SYNE2: variants seen among roughly 807,000 people sequenced by gnomAD.
SYNE2 encodes the protein nesprin-2.
Under a neutral mutation model 856.3 loss-of-function variants are expected in SYNE2, and 431 were observed. The observed-to-expected ratio is 0.50, with a 90% CI of 0.47 to 0.55. The LOEUF (loss-of-function observed/expected upper bound fraction) is 0.55, where lower values mean the gene tolerates loss of function less well. SYNE2 is among the 20% of genes least tolerant of loss of function. The pLI, the probability that SYNE2 is intolerant of heterozygous loss-of-function variation, is 0.00. For synonymous variants in SYNE2, 2,923 were observed against 2,872.3 expected, an observed-to-expected ratio of 1.02 and a Z score of -0.56; for missense variants, 8,129 against 8,023.2, an observed-to-expected ratio of 1.01 and a Z score of -0.50.
chr14:64,155,970 A>C (rs2098282115), intron 85 of SYNE2, among the ~76,000 whole-genome samples: 1 of 152,136 alleles, frequency 6.6e-6, no homozygotes, highest in South Asian at 2.1e-4. Context: ...AGGTTACTTA[A>C]CCTCTCTAAG....
At chr14:64,138,851 CA>C (rs2098116470) in intron 79 of SYNE2, among the ~76,000 whole-genome samples, 1 of 151,480 alleles carries the variant, frequency 6.6e-6, no homozygotes. Flanking sequence ...CTACCTCGGG[CA>C]AATACGTTGG....
chr14:63,827,428 C>T (rs1176659735), intron 1 of SYNE2, among the ~76,000 whole-genome samples: 1 of 151,344 alleles, frequency 6.6e-6, no homozygotes, highest in African/African-American at 2.4e-5. Flanking sequence ...AGTTCGAGAC[C>T]AGCCTAACCA....
intron 78 of SYNE2, among the ~76,000 whole-genome samples, chr14:64,136,862 A>G (rs2098096053): frequency 6.6e-6 from 1 of 152,140 alleles, no homozygotes; most frequent in African/African-American, 2.4e-5. Flanking sequence ...GGGGCAGAAT[A>G]GAAATAAGGA....
At chr14:63,808,945 C>A (rs2139820250) in intron 1 of SYNE2, among the ~76,000 whole-genome samples, 2 of 152,252 alleles carry the variant, frequency 1.3e-5, no homozygotes, top group Admixed American at 1.3e-4. Flanking sequence ...ATTGCTTGAA[C>A]CCAGATGGCA....
At chr14:63,953,543 GAGAT>G (rs59456660) in intron 7 of SYNE2, among the ~76,000 whole-genome samples, 66 of 90,498 alleles carry the variant, frequency 7.3e-4, no homozygotes, top group Admixed American at 1.8e-3. Context: ...GAGAGAGAGA[GAGAT>G]AGATAGATAG....
At chr14:64,000,766 A>G in intron 28 of SYNE2, 47 bp downstream of exon 28, 1 of 1,541,286 alleles carries the variant, frequency 6.5e-7, no homozygotes, top group Non-Finnish European at 8.9e-7. Flanking sequence ...AACTCACTAA[A>G]TCCTGTAATG....
chr14:63,803,362 G>C lies in SYNE2; in HGVS notation c.-305+41376G>C, dbSNP rs1272176397. ...CGGGCGGCACAGGAGCCCATGGAGT[G>C]GGTGGGAGGCTCAGGCATGGCGGGC... On this transcript the variant is annotated intron_variant, in intron 1 of 23. Transcript: ENST00000674003. Among the ~76,000 whole-genome samples, 2 of 152,234 alleles carry C rather than the reference G, an allele frequency of 1.3e-5. 1 individual carries two copies. The highest frequency in any genetic ancestry group is 2.9e-5 in the Non-Finnish European group (2 of 68,036).
chr14:63,837,499 T>C (rs1889897526), intron 1 of SYNE2, among the ~76,000 whole-genome samples: 1 of 152,146 alleles, frequency 6.6e-6, no homozygotes. Context: ...ATCAATACAA[T>C]GAAGACAACA....
intron 14 of SYNE2, 76 bp from the exon 15 acceptor site, chr14:63,980,578 T>A (rs2096578040): frequency 2.1e-6 from 2 of 946,632 alleles, no homozygotes; most frequent in African/African-American, 3.3e-5. Flanking sequence ...GTTGAATGGC[T>A]GTATCTCACT....
At chr14:64,121,403 A>G (rs1342649862) in intron 68 of SYNE2, among the ~76,000 whole-genome samples, 2 of 152,128 alleles carry the variant, frequency 1.3e-5, no homozygotes, top group Non-Finnish European at 2.9e-5. Context: ...CAAGCCTGTA[A>G]TCCCAGCTAC....
intron 2 of SYNE2, among the ~76,000 whole-genome samples, chr14:63,912,784 C>T (rs1184262211): frequency 1.3e-5 from 2 of 152,214 alleles, no homozygotes; most frequent in Non-Finnish European, 2.9e-5. Flanking sequence ...CCCGTATGTA[C>T]AGGGCCTAAA....
chr14:63,808,140 C>G (rs770467907), intron 1 of SYNE2, among the ~76,000 whole-genome samples: 2 of 150,724 alleles, frequency 1.3e-5, no homozygotes, highest in African/African-American at 4.9e-5. Context: ...GTTGCCCATA[C>G]TGGTCTCAAA....
In SYNE2 at chr14:63,868,786, G is replaced by C. The variant is rs922099365; in HGVS notation, c.-52+15643G>C. ...TGTAATAACAAAAATTCCTTAAAAG[G>C]CATTCAAAGTCTGATCAGACTTAAT... On this transcript the variant is annotated intron_variant, in intron 1 of 115. Coordinates refer to ENST00000555002, the MANE Select transcript of SYNE2 (RefSeq NM_182914.3). 3.3e-5 allele frequency among the ~76,000 whole-genome samples: 5 copies of C among 152,230 alleles called. No individual in the cohort carries two copies. The East Asian group carries it at 5.8e-4, about 18-fold the overall frequency.
chr14:63,955,393 A>G (rs759696557), intron 8 of SYNE2, among the ~76,000 whole-genome samples: 1 of 152,212 alleles, frequency 6.6e-6, no homozygotes, highest in Non-Finnish European at 1.5e-5. Context: ...GATTGTTAAC[A>G]ACAACATCCT....
At chr14:64,191,014 C>G (rs1232049048) in intron 99 of SYNE2, 1 of 702,252 alleles carries the variant, frequency 1.4e-6, no homozygotes, top group Admixed American at 2.0e-5. Flanking sequence ...CCACTGGCCA[C>G]ACGGGTCCTT....
At chr14:63,883,215 C>T (rs745640305) in intron 1 of SYNE2, among the ~76,000 whole-genome samples, 12 of 152,008 alleles carry the variant, frequency 7.9e-5, no homozygotes, top group Non-Finnish European at 1.5e-4. Flanking sequence ...CATGCCACCA[C>T]GCTTGGCTAA....
Position 64,065,456 on chromosome 14 carries a change from A to T in SYNE2, c.10237A>T (p.Thr3413Ser), listed in dbSNP as rs780825872. Reference protein sequence around the residue: ...SKALVSNLISTKEELMKLRQI... With the variant: ...SKALVSNLISSKEELMKLRQI... ...GGCCTTGGTGTCAAATCTTATATCA[A>T]CCAAAGAAGAGTTAATGAAACTACG... The change falls in exon 51 of 116, where the codon ACC (threonine) becomes TCC (serine). Residue 3413 changes from threonine (T) to serine (S), a missense_variant. Thr to Ser is a moderately conservative substitution (Grantham distance 58). This residue lies in a region of SYNE2 where 5,410 missense variants were observed against 5,284.8 expected (regional missense o/e 1.02). Coordinates refer to ENST00000555002, the MANE Select transcript of SYNE2 (RefSeq NM_182914.3). 23 of 1,614,040 alleles carry T rather than the reference A, an allele frequency of 1.4e-5. No individual in the cohort carries two copies. In the Admixed American group the frequency reaches 3.8e-4, roughly 27 times the overall value.
chr14:63,955,346 C>T (rs537646316), intron 8 of SYNE2, among the ~76,000 whole-genome samples: 2 of 152,258 alleles, frequency 1.3e-5, no homozygotes, highest in African/African-American at 4.8e-5. Flanking sequence ...CCGTCTGTCC[C>T]TATGTGGTTG....
intron 11 of SYNE2, 143 bp downstream of exon 11, chr14:63,967,989 C>G (rs773585713): frequency 3.7e-5 from 27 of 738,060 alleles, no homozygotes; most frequent in Non-Finnish European, 6.1e-5. Context: ...ATGGCGAAAC[C>G]CTGTCTCTAC....
Sources: allele counts gnomAD v4.1 joint callset (sites outside exome capture counted in the v4.1 genomes callset), GRCh38; gene constraint gnomAD v4.1.1; regional missense constraint gnomAD v4.1.1; transcripts MANE v1.5; gene names NCBI Gene and HGNC (gene_info 2026-07-23, HGNC 2026-07-21).